HECW1: variants seen among roughly 807,000 people sequenced by gnomAD.
The protein encoded by HECW1 is E3 ubiquitin-protein ligase HECW1.
In HECW1, 61 loss-of-function variants were observed where a neutral mutation model predicts 182.3. That is an observed-to-expected ratio of 0.33 (90% CI 0.27 to 0.41). The LOEUF is 0.41. Ranked by LOEUF, HECW1 falls within the 10% of genes least tolerant of loss-of-function variation. The probability of loss-of-function intolerance (pLI) is 1.00; values close to 1 mark genes in which losing one functional copy is unlikely to be tolerated. For synonymous variants in HECW1, 859 were observed against 832.6 expected, an observed-to-expected ratio of 1.03 and a Z score of -0.55; for missense variants, 1,739 against 2,108.9, an observed-to-expected ratio of 0.82 and a Z score of 3.44.
At chr7:43,482,274 C>T (rs757415455) in intron 17 of HECW1, among the ~76,000 whole-genome samples, 4 of 152,240 alleles carry the variant, frequency 2.6e-5, no homozygotes, top group Middle Eastern at 6.8e-3. Context: ...TGTGGTTCCT[C>T]CCACTGCAAG....
At chr7:43,462,858 A>G (rs1179871642) in intron 13 of HECW1, among the ~76,000 whole-genome samples, 1 of 152,162 alleles carries the variant, frequency 6.6e-6, no homozygotes, top group African/African-American at 2.4e-5. Context: ...CAGCTTCACA[A>G]TTTACAAACC....
At chr7:43,268,575 C>T (rs1311232231) in intron 3 of HECW1, among the ~76,000 whole-genome samples, 1 of 152,238 alleles carries the variant, frequency 6.6e-6, no homozygotes, top group Non-Finnish European at 1.5e-5. Flanking sequence ...CACAGCAAAG[C>T]TGTATCTGCC....
At chr7:43,317,809 TTGTGTGTGTGTGTG>T (rs3032881) in intron 4 of HECW1, among the ~76,000 whole-genome samples, 488 of 142,616 alleles carry the variant, frequency 3.4e-3, no homozygotes, top group Non-Finnish European at 6.4e-3. Context: ...TTTCTCATTA[TTGTGTGTGTGTGTG>T]TGTGTGTGTG....
chr7:43,378,763 G>A (rs571488454), intron 6 of HECW1, among the ~76,000 whole-genome samples: 2 of 151,870 alleles, frequency 1.3e-5, no homozygotes, highest in African/African-American at 2.4e-5. Flanking sequence ...CTGAGATTGC[G>A]CTACTGCACT....
chr7:43,514,783 T>C (rs773914658), intron 24 of HECW1, among the ~76,000 whole-genome samples: 18 of 152,234 alleles, frequency 1.2e-4, no homozygotes, highest in Non-Finnish European at 1.9e-4. Context: ...CCAGGCACTG[T>C]CTAACAACAT....
intron 19 of HECW1, among the ~76,000 whole-genome samples, chr7:43,497,780 G>C (rs1367389275): frequency 6.6e-6 from 1 of 152,158 alleles, no homozygotes; most frequent in Non-Finnish European, 1.5e-5. Flanking sequence ...AAGAATGACA[G>C]CCAAGTGTGG....
At position 43,563,571 on chromosome 7, in the gene HECW1, C is replaced by T. The variant is rs1258043198; in HGVS notation, c.*1645C>T. Reference sequence around the variant, plus strand: ...GGACAGTGTGTTATTTGTGTTCCTACACTCTAAAGCATTCCGGCCAGGAGC... The same window carrying T: ...GGACAGTGTGTTATTTGTGTTCCTATACTCTAAAGCATTCCGGCCAGGAGC... On this transcript the variant is annotated 3_prime_UTR_variant, in exon 30 of 30. Coordinates refer to ENST00000395891, the MANE Select transcript of HECW1 (RefSeq NM_015052.5). 4 of 190,366 alleles carry T rather than the reference C, an allele frequency of 2.1e-5. No individual in the cohort carries two copies. The highest frequency in any genetic ancestry group is 4.7e-5 in the African/African-American group (2 of 42,862). The allele number at this position is 190,366 out of a possible 1,614,324, so 11.8% of individuals were successfully genotyped here. A position where few individuals can be genotyped will look rare whatever the true frequency, so the allele number is the denominator to read the frequency against.
intron 2 of HECW1, among the ~76,000 whole-genome samples, chr7:43,181,600 T>A (rs1338661144): frequency 6.6e-6 from 1 of 150,784 alleles, no homozygotes; most frequent in African/African-American, 2.5e-5. Flanking sequence ...ATGTTGAGTA[T>A]TTTTTTACAT....
At chr7:43,116,199 G>A (rs963250042) in intron 2 of HECW1, among the ~76,000 whole-genome samples, 11 of 152,120 alleles carry the variant, frequency 7.2e-5, no homozygotes, top group African/African-American at 2.7e-4. Context: ...CGTAGAGAAT[G>A]AGTTCAAATG....
At chr7:43,344,917 C>T (rs922611690) in intron 5 of HECW1, among the ~76,000 whole-genome samples, 3 of 152,028 alleles carry the variant, frequency 2.0e-5, no homozygotes, top group Non-Finnish European at 4.4e-5. Context: ...ATCTTGTCTT[C>T]TTTTTGCTCG....
chr7:43,227,356 T>C (rs547044847), intron 2 of HECW1, among the ~76,000 whole-genome samples: 115 of 152,308 alleles, frequency 7.6e-4, no homozygotes, highest in African/African-American at 2.7e-3. Context: ...TGAATTAATA[T>C]AAGTTTACAA....
chr7:43,422,420 T>A (rs1320211767), intron 8 of HECW1, among the ~76,000 whole-genome samples: 2 of 149,940 alleles, frequency 1.3e-5, no homozygotes, highest in African/African-American at 4.9e-5. Context: ...TGGAGTGCAG[T>A]GGTACGATCT....
At chr7:43,279,940 A>G (rs188351236) in intron 3 of HECW1, among the ~76,000 whole-genome samples, 1 of 152,056 alleles carries the variant, frequency 6.6e-6, no homozygotes, top group African/African-American at 2.4e-5. Context: ...TCACTGGGGA[A>G]CTCTTCTGAG....
At chr7:43,228,835 A>G (rs945658022) in intron 2 of HECW1, among the ~76,000 whole-genome samples, 3 of 152,232 alleles carry the variant, frequency 2.0e-5, no homozygotes, top group Admixed American at 1.3e-4. Context: ...AGAATTTTCA[A>G]TGAATTCCAG....
chr7:43,433,600 C>T (rs1232155684), intron 8 of HECW1, among the ~76,000 whole-genome samples: 1 of 152,220 alleles, frequency 6.6e-6, no homozygotes, highest in African/African-American at 2.4e-5. Flanking sequence ...CATTCTTGCT[C>T]ATAGTGGCCC....
rs1173998682 is a variant in HECW1, at chr7:43,115,801, ACTT to A, written c.-32+1416_-32+1418del. On this transcript the variant is annotated intron_variant, in intron 2 of 29. Coordinates refer to ENST00000395891, the MANE Select transcript of HECW1 (RefSeq NM_015052.5). Reference sequence around the variant, plus strand: ...CAGTCCCTGCAAGGCATAATTAACCACTTCTTCTCCTGTTTTCCCATAGCCTTT... The same window carrying A: ...CAGTCCCTGCAAGGCATAATTAACCACTTCTCCTGTTTTCCCATAGCCTTT... 2.0e-5 allele frequency among the ~76,000 whole-genome samples: 3 copies of A among 152,318 alleles called. No individual in the cohort carries two copies. The East Asian group carries it at 5.8e-4, about 29-fold the overall frequency.
chr7:43,534,042 T>C (rs2081084750), intron 24 of HECW1, among the ~76,000 whole-genome samples: 1 of 152,180 alleles, frequency 6.6e-6, no homozygotes, highest in Non-Finnish European at 1.5e-5. Flanking sequence ...GAAATCAAAC[T>C]GCCAGAAATG....
At chr7:43,249,069 C>A (rs1465416022) in intron 3 of HECW1, 1 of 152,326 alleles carries the variant, frequency 6.6e-6, no homozygotes, top group East Asian at 1.9e-4. Context: ...AATCGCCTAG[C>A]GTGAGTCTTC....
intron 24 of HECW1, among the ~76,000 whole-genome samples, chr7:43,537,196 TG>T (rs1426742401): frequency 1.3e-5 from 2 of 152,146 alleles, no homozygotes; most frequent in Non-Finnish European, 2.9e-5. Context: ...AACGGGGCCC[TG>T]GGGCCCGGTA....
Sources: gnomAD v4.1 joint callset for allele counts (sites outside exome capture counted in the v4.1 genomes callset) on GRCh38, gnomAD v4.1.1 for gene constraint, MANE v1.5 for transcripts, NCBI Gene and HGNC (gene_info 2026-07-23, HGNC 2026-07-21) for gene names.